Variants in NAV2 observed in about 807,000 individuals in gnomAD.
The protein encoded by NAV2 is helicase, APC down-regulated 1.
Under a neutral mutation model 223.2 loss-of-function variants are expected in NAV2, and 54 were observed. That is an observed-to-expected ratio of 0.24 (90% confidence interval 0.19 to 0.30). The LOEUF is 0.30. Among genes scored for constraint, NAV2 ranks in the 10% least tolerant of loss-of-function variants. NAV2 has a pLI of 1.00. For missense variants in NAV2, 2,806 were observed against 3,147.5 expected (o/e 0.89, Z 2.60); for synonymous variants, 1,279 against 1,239.3 (o/e 1.03, Z -0.67).
chr11:19,922,576 T>A (rs958770801), intron 6 of NAV2, among the ~76,000 whole-genome samples: 1 of 152,202 alleles, frequency 6.6e-6, no homozygotes, highest in Admixed American at 6.5e-5. Flanking sequence ...AGAGATACTG[T>A]GATTTTGTAA....
intron 1 of NAV2, among the ~76,000 whole-genome samples, chr11:19,826,959 G>A (rs2059668234): frequency 6.6e-6 from 1 of 152,160 alleles, no homozygotes; most frequent in Admixed American, 6.5e-5. Flanking sequence ...TGGGTGAGTG[G>A]GAGTGGAAAG....
chr11:19,776,384 C>T (rs1305395810), intron 1 of NAV2, among the ~76,000 whole-genome samples: 1 of 152,186 alleles, frequency 6.6e-6, no homozygotes, highest in African/African-American at 2.4e-5. Flanking sequence ...GCAGGTGGAG[C>T]AGGCAGACGA....
intron 1 of NAV2, among the ~76,000 whole-genome samples, chr11:19,413,902 A>G (rs1850251804): frequency 6.6e-6 from 1 of 152,240 alleles, no homozygotes; most frequent in Non-Finnish European, 1.5e-5. Context: ...GGCCTGCTTT[A>G]TAAGATTCTG....
chr11:19,916,785 T>A (rs1030130954), intron 6 of NAV2, among the ~76,000 whole-genome samples: 1 of 152,236 alleles, frequency 6.6e-6, no homozygotes, highest in South Asian at 2.1e-4. Flanking sequence ...TACGGCTGTG[T>A]TCCAATCAGA....
chr11:20,102,852 A>G (rs1028032949), intron 32 of NAV2, among the ~76,000 whole-genome samples: 14 of 152,190 alleles, frequency 9.2e-5, no homozygotes, highest in East Asian at 1.9e-4. Context: ...TGTCTCCCCA[A>G]TGCTGTGTGT....
intron 1 of NAV2, among the ~76,000 whole-genome samples, chr11:19,624,087 T>A (rs1459485123): frequency 1.3e-5 from 2 of 152,200 alleles, no homozygotes; most frequent in South Asian, 4.1e-4. Flanking sequence ...ACAGCGAGTA[T>A]TGCAGAATAA....
chr11:19,397,116 G>A (rs1007775876), intron 1 of NAV2, among the ~76,000 whole-genome samples: 21 of 152,254 alleles, frequency 1.4e-4, no homozygotes, highest in Non-Finnish European at 2.2e-4. Flanking sequence ...TGGCATGGCC[G>A]GGAGAAAACC....
chr11:19,778,076 T>C (rs2056428508), intron 1 of NAV2: 1 of 424,488 alleles, frequency 2.4e-6, no homozygotes, highest in African/African-American at 2.0e-5. Flanking sequence ...GCAGGTACTT[T>C]TTCCCTCCTC....
At chr11:19,437,256 CT>C (rs1283606591) in intron 1 of NAV2, among the ~76,000 whole-genome samples, 1 of 152,150 alleles carries the variant, frequency 6.6e-6, no homozygotes, top group East Asian at 1.9e-4. Context: ...CAGACAAATA[CT>C]TTTTTCCAAT....
chr11:19,416,218 C>T (rs1333058551), intron 1 of NAV2, among the ~76,000 whole-genome samples: 6 of 152,188 alleles, frequency 3.9e-5, no homozygotes, highest in Admixed American at 3.9e-4. Context: ...CCCAAAATCT[C>T]CTTAAGCTGA....
intron 1 of NAV2, among the ~76,000 whole-genome samples, chr11:19,740,992 T>C (rs1394316793): frequency 6.6e-6 from 1 of 152,158 alleles, no homozygotes. Context: ...GACTTATCAG[T>C]AGAAGGGATG....
At chr11:19,867,357 G>A (rs1387356979) in intron 3 of NAV2, among the ~76,000 whole-genome samples, 1 of 152,148 alleles carries the variant, frequency 6.6e-6, no homozygotes. Context: ...CTCTGCCATT[G>A]ACATTGACCT....
intron 1 of NAV2, among the ~76,000 whole-genome samples, chr11:19,586,487 G>GT (rs2045900873): frequency 6.6e-6 from 1 of 152,128 alleles, no homozygotes; most frequent in African/African-American, 2.4e-5. Context: ...TTTCTGCTCT[G>GT]TTTTTTCCCC....
chr11:19,493,482 G>A (rs558334321), intron 1 of NAV2, among the ~76,000 whole-genome samples: 2 of 152,274 alleles, frequency 1.3e-5, no homozygotes, highest in Admixed American at 1.3e-4. Context: ...CCATGAGCAT[G>A]AAATATTGTT....
intron 1 of NAV2, among the ~76,000 whole-genome samples, chr11:19,410,431 A>T (rs1188332878): frequency 6.6e-6 from 1 of 152,204 alleles, no homozygotes; most frequent in Non-Finnish European, 1.5e-5. Flanking sequence ...ACTAAGTAGC[A>T]GTTATTATCT....
At chr11:19,628,824 A>G (rs1350913421) in intron 1 of NAV2, among the ~76,000 whole-genome samples, 3 of 152,198 alleles carry the variant, frequency 2.0e-5, no homozygotes, top group Admixed American at 1.3e-4. Context: ...GTCTTCTGGA[A>G]TCATTGATTA....
intron 1 of NAV2, among the ~76,000 whole-genome samples, chr11:19,374,309 G>GTTTTTTTTTT (rs10533713): frequency 8.0e-6 from 1 of 124,592 alleles, no homozygotes; most frequent in South Asian, 2.8e-4. Context: ...TTCCGAAAAG[G>GTTTTTTTTTT]TTTTTTTTTT....
chr11:19,776,023 G>A (rs2056123460), intron 1 of NAV2, among the ~76,000 whole-genome samples: 1 of 152,248 alleles, frequency 6.6e-6, no homozygotes, highest in Non-Finnish European at 1.5e-5. Context: ...AAAAGATTAG[G>A]ACCAATTTTA....
chr11:19,491,019 A>G (rs1268831097), intron 1 of NAV2, among the ~76,000 whole-genome samples: 1 of 152,170 alleles, frequency 6.6e-6, no homozygotes, highest in Non-Finnish European at 1.5e-5. Flanking sequence ...ATATCTCGAA[A>G]AGAATATTTT....
Sources: gnomAD v4.1 joint callset for allele counts (sites outside exome capture counted in the v4.1 genomes callset) on GRCh38, gnomAD v4.1.1 for gene constraint, MANE v1.5 for transcripts, NCBI Gene and HGNC (gene_info 2026-07-23, HGNC 2026-07-21) for gene names.